STXBP5L: variants seen among roughly 807,000 people sequenced by gnomAD.
STXBP5L encodes the protein syntaxin binding protein 5L, also known as syntaxin-binding protein 5-like.
Under a neutral mutation model 144.5 loss-of-function variants are expected in STXBP5L, and 65 were observed. That is an observed-to-expected ratio of 0.45 (90% CI 0.37 to 0.55). The LOEUF is 0.55. STXBP5L is among the 20% of genes least tolerant of loss of function. STXBP5L has a pLI of 0.00. For synonymous variants in STXBP5L, 505 were observed against 469.6 expected, an observed-to-expected ratio of 1.08 and a Z score of -0.97; for missense variants, 1,298 against 1,405.5, an observed-to-expected ratio of 0.92 and a Z score of 1.22.
chr3:121,096,541 G>T (rs2043139666), intron 5 of STXBP5L, among the ~76,000 whole-genome samples: 1 of 152,144 alleles, frequency 6.6e-6, no homozygotes, highest in African/African-American at 2.4e-5. Context: ...TGGGGTCTTT[G>T]AGTGGATGTG....
intron 5 of STXBP5L, among the ~76,000 whole-genome samples, chr3:121,058,862 C>G (rs568570336): frequency 6.6e-6 from 1 of 152,128 alleles, no homozygotes; most frequent in South Asian, 2.1e-4. Flanking sequence ...TTTGTAGATT[C>G]TGGATATTAG....
chr3:121,288,186 T>G (rs971504449), intron 19 of STXBP5L, among the ~76,000 whole-genome samples: 2 of 152,388 alleles, frequency 1.3e-5, no homozygotes, highest in African/African-American at 4.8e-5. Flanking sequence ...TTTTTATGGC[T>G]GTGTAGTGTT....
chr3:120,909,479 T>C, intron 1 of STXBP5L, 92 bp from the exon 2 acceptor site: 1 of 1,155,800 alleles, frequency 8.7e-7, no homozygotes, highest in Admixed American at 2.9e-5. Context: ...GGGGACTGAC[T>C]TGACTAATGA....
intron 10 of STXBP5L, among the ~76,000 whole-genome samples, chr3:121,215,142 T>A (rs1033726990): frequency 2.6e-5 from 4 of 152,196 alleles, no homozygotes; most frequent in African/African-American, 9.7e-5. Flanking sequence ...CTGATGGGTC[T>A]TGACTCTTTA....
At position 121,413,138 on chromosome 3, in the gene STXBP5L, A is replaced by G. The variant is rs1379321321; in HGVS notation, c.2949-20A>G. The G allele has an allele frequency of 4.5e-6, 7 of 1,549,352 alleles. No individual in the cohort carries two copies. The highest frequency in any genetic ancestry group is 1.4e-5 in the African/African-American group (1 of 72,588). ...CTAACAACCTGCATATGATATATGG[A>G]TTTACTTTTTTCCATTCAGCCTACC... On this transcript the variant is annotated intron_variant, in intron 23 of 26. Coordinates refer to ENST00000471454, the MANE Select transcript of STXBP5L (RefSeq NM_001308330.2).
At chr3:121,304,194 C>T (rs1380889256) in intron 19 of STXBP5L, among the ~76,000 whole-genome samples, 1 of 152,138 alleles carries the variant, frequency 6.6e-6, no homozygotes, top group East Asian at 1.9e-4. Flanking sequence ...TATAAAAATC[C>T]TACATACTTG....
Position 121,419,148 on chromosome 3 carries a change from A to C in STXBP5L, c.*51A>C. 1.3e-6 allele frequency: 2 copies of C among 1,564,006 alleles called. No individual in the cohort carries two copies. The highest frequency in any genetic ancestry group is 1.7e-6 in the Non-Finnish European group (2 of 1,144,950). On this transcript the variant is annotated 3_prime_UTR_variant, in exon 27 of 27. Coordinates refer to ENST00000471454, the MANE Select transcript of STXBP5L (RefSeq NM_001308330.2). ...GAGAAACCATATTCAGGGAAACCAA[A>C]TTTATTCCCAGCATCACTACTCAAC...
At chr3:121,347,903 A>G (rs1346964529) in intron 20 of STXBP5L, among the ~76,000 whole-genome samples, 1 of 152,190 alleles carries the variant, frequency 6.6e-6, no homozygotes, top group African/African-American at 2.4e-5. Flanking sequence ...TCATCTGCAA[A>G]CAGGGACAAT....
chr3:121,007,590 G>A (rs1944435672), intron 3 of STXBP5L, among the ~76,000 whole-genome samples: 1 of 151,998 alleles, frequency 6.6e-6, no homozygotes, highest in Admixed American at 6.6e-5. Flanking sequence ...CCTCAGGAAT[G>A]AGATATTCAA....
intron 9 of STXBP5L, among the ~76,000 whole-genome samples, chr3:121,170,675 A>G (rs2046675804): frequency 6.6e-6 from 1 of 152,140 alleles, no homozygotes; most frequent in Admixed American, 6.6e-5. Flanking sequence ...ACCAATTACA[A>G]GTTCTAAAAT....
rs574636306 is a variant in STXBP5L at position 121,366,037 on chromosome 3, T to C, written c.2177-12679T>C. On this transcript the variant is annotated intron_variant, in intron 20 of 26. Transcript: ENST00000471454. Reference sequence around the variant, plus strand: ...TGCCTTGATCCATTGGTTAAGAGAGTGTTGTTTAATTTCCACAAGTTTGTT... The same window carrying C: ...TGCCTTGATCCATTGGTTAAGAGAGCGTTGTTTAATTTCCACAAGTTTGTT... Among the ~76,000 whole-genome samples the C allele has an allele frequency of 2.8e-3, 424 of 152,050 alleles. 5 individuals are homozygous for C. Among genetic ancestry groups the C allele is most frequent in the African/African-American group, 9.8e-3 (407 of 41,560 alleles).
intron 3 of STXBP5L, among the ~76,000 whole-genome samples, chr3:121,009,701 G>A (rs1944625905): frequency 6.6e-6 from 1 of 151,936 alleles, no homozygotes; most frequent in Non-Finnish European, 1.5e-5. Context: ...ACTTATATAT[G>A]AACTTAGTTG....
chr3:120,959,110 AACAG>A (rs1003387188), intron 3 of STXBP5L, among the ~76,000 whole-genome samples: 83 of 150,980 alleles, frequency 5.5e-4, no homozygotes, highest in African/African-American at 1.6e-3. Context: ...ATACACCAAA[AACAG>A]ACAGAGAGCC....
At chr3:121,416,694 G>A (rs1020860194) in intron 25 of STXBP5L, among the ~76,000 whole-genome samples, 6 of 151,410 alleles carry the variant, frequency 4.0e-5, no homozygotes, top group Non-Finnish European at 5.9e-5. Flanking sequence ...TAGTAGAGAC[G>A]AGGTTTTGCT....
rs570916055 is a variant in STXBP5L, at chr3:121,344,158, G to A, written c.2176+25618G>A. Among the ~76,000 whole-genome samples the A allele has an allele frequency of 4.2e-3, 635 of 151,986 alleles. 2 individuals are homozygous for A. Among genetic ancestry groups the A allele is most frequent in the African/African-American group, 0.014 (581 of 41,442 alleles). ...AAACAAGCAATGGGGAAAGGATTCCGTATTTAATAAATGGTGCTGGGAAAA... is the reference window on the plus strand; with the variant it reads ...AAACAAGCAATGGGGAAAGGATTCCATATTTAATAAATGGTGCTGGGAAAA... On this transcript the variant is annotated intron_variant, in intron 20 of 26. Transcript: ENST00000471454.
Position 121,177,143 on chromosome 3 carries a change from C to G in STXBP5L, c.877+19516C>G, listed in dbSNP as rs1418998139. Among the ~76,000 whole-genome samples, 5 of 151,922 alleles carry G rather than the reference C, an allele frequency of 3.3e-5. No homozygotes were observed. In the South Asian group the frequency reaches 1.0e-3, roughly 31 times the overall value. Reference sequence around the variant, plus strand: ...AGAATTCTCACCCACAATGAAGCATCACAACATATATTAAATATAACAACG... The same window carrying G: ...AGAATTCTCACCCACAATGAAGCATGACAACATATATTAAATATAACAACG... On this transcript the variant is annotated intron_variant, in intron 9 of 26. Coordinates refer to ENST00000471454, the MANE Select transcript of STXBP5L (RefSeq NM_001308330.2).
chr3:121,351,097 C>A (rs529980605), intron 20 of STXBP5L, among the ~76,000 whole-genome samples: 3 of 152,146 alleles, frequency 2.0e-5, no homozygotes, highest in Admixed American at 2.0e-4. Flanking sequence ...GTTTTATCAA[C>A]CTTTGGTCTT....
intron 3 of STXBP5L, among the ~76,000 whole-genome samples, chr3:120,957,550 G>T (rs1025249518): frequency 6.6e-6 from 1 of 151,924 alleles, no homozygotes; most frequent in Non-Finnish European, 1.5e-5. Context: ...GATAATGCCG[G>T]CCTCATAGAT....
At chr3:120,954,447 T>A (rs1445881475) in intron 2 of STXBP5L, among the ~76,000 whole-genome samples, 1 of 152,150 alleles carries the variant, frequency 6.6e-6, no homozygotes, top group African/African-American at 2.4e-5. Context: ...GCATAGTTTT[T>A]TTTGAGAATC....
Sources: gnomAD v4.1 joint callset for allele counts (sites outside exome capture counted in the v4.1 genomes callset) on GRCh38, gnomAD v4.1.1 for gene constraint, MANE v1.5 for transcripts, NCBI Gene and HGNC (gene_info 2026-07-23, HGNC 2026-07-21) for gene names.